ADAM12: variants seen among roughly 807,000 people sequenced by gnomAD.
ADAM12 encodes disintegrin and metalloproteinase domain-containing protein 12.
In ADAM12, 70 loss-of-function variants were observed where a neutral mutation model predicts 106.4. The ratio of observed to expected loss-of-function variants is 0.66; its 90% CI spans 0.54 to 0.80. The LOEUF is 0.80. ADAM12 is among the 30% of genes least tolerant of loss of function. ADAM12 has a pLI of 0.00. For missense variants in ADAM12, 1,010 were observed against 1,171.9 expected (o/e 0.86, Z 2.02); for synonymous variants, 420 against 433.5 (o/e 0.97, Z 0.39).
intron 2 of ADAM12, among the ~76,000 whole-genome samples, chr10:126,308,824 C>A (rs1218965362): frequency 6.6e-6 from 1 of 152,150 alleles, no homozygotes; most frequent in Non-Finnish European, 1.5e-5. Context: ...GCTGTGATGT[C>A]TTGGAGACCC....
chr10:126,315,818 AGG>A (rs935801691), intron 2 of ADAM12, among the ~76,000 whole-genome samples: 5 of 152,236 alleles, frequency 3.3e-5, no homozygotes, highest in African/African-American at 1.2e-4. Context: ...TGAAAATCGC[AGG>A]ACAGCAAATG....
intron 16 of ADAM12, among the ~76,000 whole-genome samples, chr10:126,048,935 C>T (rs1954398637): frequency 1.3e-5 from 2 of 152,172 alleles, no homozygotes; most frequent in South Asian, 4.2e-4. Context: ...AAAAACCAAG[C>T]CACATATCCA....
chr10:126,023,350 C>G (rs1439419681), intron 21 of ADAM12, among the ~76,000 whole-genome samples: 1 of 152,048 alleles, frequency 6.6e-6, no homozygotes, highest in African/African-American at 2.4e-5. Context: ...TGATGACCAC[C>G]AAGAGTTACA....
intron 1 of ADAM12, among the ~76,000 whole-genome samples, chr10:126,350,089 A>G (rs1269160317): frequency 1.3e-5 from 2 of 152,152 alleles, no homozygotes; most frequent in Admixed American, 6.5e-5. Context: ...TGGCCGGCCA[A>G]TGATATTCTT....
chr10:126,167,200 A>T (rs1174075906), intron 3 of ADAM12, among the ~76,000 whole-genome samples: 1 of 152,164 alleles, frequency 6.6e-6, no homozygotes, highest in Non-Finnish European at 1.5e-5. Flanking sequence ...TTTTACAACA[A>T]TTTTGGCAGG....
At chr10:126,101,960 T>C (rs1955676217) in intron 8 of ADAM12, among the ~76,000 whole-genome samples, 1 of 152,110 alleles carries the variant, frequency 6.6e-6, no homozygotes, top group Admixed American at 6.6e-5. Flanking sequence ...GGCACACCAC[T>C]GAAAGCAAGA....
intron 14 of ADAM12, among the ~76,000 whole-genome samples, chr10:126,051,541 CCATCCAT>C (rs1565015262): frequency 0.17 from 12,824 of 73,530 alleles, 792 homozygotes; most frequent in African/African-American, 0.28. Context: ...AGCCACCCAT[CCATCCAT>C]CCATCCATCC....
chr10:126,142,759 A>AAGG (rs1395272728), intron 4 of ADAM12, among the ~76,000 whole-genome samples: 3 of 152,214 alleles, frequency 2.0e-5, no homozygotes, highest in African/African-American at 7.2e-5. Context: ...GCATCATAAG[A>AAGG]AGGTGAAGTC....
At chr10:126,273,752 G>C (rs964086282) in intron 3 of ADAM12, among the ~76,000 whole-genome samples, 1 of 152,158 alleles carries the variant, frequency 6.6e-6, no homozygotes, top group Non-Finnish European at 1.5e-5. Context: ...ATATAATTCG[G>C]TAAAATAATT....
At chr10:126,239,970 C>T (rs1268019183) in intron 3 of ADAM12, among the ~76,000 whole-genome samples, 1 of 152,194 alleles carries the variant, frequency 6.6e-6, no homozygotes, top group Non-Finnish European at 1.5e-5. Flanking sequence ...ACTGCCGTGC[C>T]CCCTGCCCTC....
chr10:126,225,885 G>A lies in ADAM12; in HGVS notation c.260+53030C>T, dbSNP rs373071610. Among the ~76,000 whole-genome samples the A allele has an allele frequency of 3.5e-4, 53 of 152,262 alleles. No individual in the cohort carries two copies. The East Asian group carries it at 7.3e-3, about 21-fold the overall frequency. Reference sequence around the variant, plus strand: ...ACGACAGGATGTAAGAGCCCAGAGCGTGGTAACTCCAGCCTCCCTTCCAAA... The same window carrying A: ...ACGACAGGATGTAAGAGCCCAGAGCATGGTAACTCCAGCCTCCCTTCCAAA... On this transcript the variant is annotated intron_variant, in intron 3 of 22. Coordinates refer to ENST00000448723, the MANE Select transcript of ADAM12 (RefSeq NM_001288973.2).
At chr10:126,387,929 C>A in intron 1 of ADAM12, 129 bp downstream of exon 1, 3 of 1,133,152 alleles carry the variant, frequency 2.6e-6, no homozygotes, top group Non-Finnish European at 3.3e-6. Context: ...GAAGCGCAAG[C>A]CCCGGGGCTC....
intron 4 of ADAM12, among the ~76,000 whole-genome samples, chr10:126,137,643 G>A (rs1258843799): frequency 6.6e-6 from 1 of 152,174 alleles, no homozygotes; most frequent in East Asian, 1.9e-4. Flanking sequence ...TACAATAAGT[G>A]CCTTTTGTGA....
rs1954489669 is a variant in ADAM12, at chr10:126,051,532, G to GCCAGCCAGCCAC, written c.1610-1864_1610-1863insGTGGCTGGCTGG. Among the ~76,000 whole-genome samples the GCCAGCCAGCCAC allele has an allele frequency of 1.7e-4, 17 of 98,922 alleles. No homozygotes were observed. The South Asian group carries it at 6.1e-3, about 36-fold the overall frequency. The allele number at this position is 98,922 out of a possible 152,430, so 64.9% of individuals were successfully genotyped here. A position where few individuals can be genotyped will look rare whatever the true frequency, so the allele number is the denominator to read the frequency against. On this transcript the variant is annotated intron_variant, in intron 14 of 22. Coordinates refer to ENST00000448723, the MANE Select transcript of ADAM12 (RefSeq NM_001288973.2). ...ATCCATCCATCCATCCAGCCAGCCA[G>GCCAGCCAGCCAC]CCACCCATCCATCCATCCATCCATC...
intron 1 of ADAM12, among the ~76,000 whole-genome samples, chr10:126,378,246 G>A (rs181778720): frequency 8.5e-4 from 130 of 152,186 alleles, no homozygotes; most frequent in Middle Eastern, 3.4e-3. Flanking sequence ...AACAAAATAC[G>A]TTACAGTAAA....
chr10:126,043,113 G>GGCC lies in ADAM12; in HGVS notation c.2028_2030dup (p.Ala677dup). 1 of 1,614,176 alleles carries GGCC rather than the reference G, an allele frequency of 6.2e-7. No homozygotes were observed. The highest frequency in any genetic ancestry group is 8.5e-7 in the Non-Finnish European group (1 of 1,180,020). On this transcript the variant is annotated inframe_insertion, in exon 18 of 23. Transcript: ENST00000448723. This position sits in a 1 kb window ranked among gnomAD's most constrained non-coding sequence, Gnocchi z 4.1. ...TGTCACAGAAGGGAGGTGCCCAGTGGGCCTCGCAGTGGCAGTTCTTCCTGT... is the reference window on the plus strand; with the variant it reads ...TGTCACAGAAGGGAGGTGCCCAGTGGGCCGCCTCGCAGTGGCAGTTCTTCCTGT...
chr10:126,123,073 G>A (rs532083244), intron 5 of ADAM12, among the ~76,000 whole-genome samples: 1 of 152,272 alleles, frequency 6.6e-6, no homozygotes, highest in East Asian at 1.9e-4. Context: ...CAGGATGAAG[G>A]CCTTCCCTTT....
intron 3 of ADAM12, among the ~76,000 whole-genome samples, chr10:126,255,664 C>T (rs1958876545): frequency 6.6e-6 from 1 of 152,254 alleles, no homozygotes; most frequent in African/African-American, 2.4e-5. Context: ...GAGGGTCCCT[C>T]CTGATGGGGA....
chr10:126,313,639 C>T (rs554154392), intron 2 of ADAM12, among the ~76,000 whole-genome samples: 43 of 152,188 alleles, frequency 2.8e-4, no homozygotes, highest in Non-Finnish European at 5.7e-4. Context: ...AGCCATCTAT[C>T]CATCTGTCCA....
Sources: gnomAD v4.1 joint callset for allele counts (sites outside exome capture counted in the v4.1 genomes callset) on GRCh38, gnomAD v4.1.1 for gene constraint, Gnocchi (gnomAD v3.1) non-coding constraint, MANE v1.5 for transcripts, NCBI Gene and HGNC (gene_info 2026-07-23, HGNC 2026-07-21) for gene names.